Variants in SLC2A9 observed in about 807,000 individuals in gnomAD.
The protein encoded by SLC2A9 is solute carrier family 2 member 9, also known as solute carrier family 2, facilitated glucose transporter member 9.
SLC2A9 carries 39 observed loss-of-function variants against 50.6 expected under a neutral mutation model. The observed-to-expected ratio is 0.77, with a 90% confidence interval of 0.60 to 1.01. The LOEUF is 1.01. Ranked by LOEUF, SLC2A9 falls within the 50% of genes least tolerant of loss-of-function variation. SLC2A9 has a pLI of 0.00. For missense variants in SLC2A9, 686 were observed against 677.6 expected, an observed-to-expected ratio of 1.01 and a Z score of -0.14; for synonymous variants, 324 against 276.9, an observed-to-expected ratio of 1.17 and a Z score of -1.69.
intron 2 of SLC2A9, chr4:10,009,656 T>C (rs1390074014): frequency 1.3e-5 from 2 of 152,164 alleles, no homozygotes; most frequent in Non-Finnish European, 2.9e-5. Flanking sequence ...ACTGGAAAAG[T>C]GAGTAATTTC....
chr4:9,974,869 A>G (rs1027185957), intron 5 of SLC2A9, among the ~76,000 whole-genome samples: 2 of 152,256 alleles, frequency 1.3e-5, no homozygotes, highest in African/African-American at 4.8e-5. Context: ...GTAAACCTAC[A>G]GTAACCAAAA....
intron 2 of SLC2A9, among the ~76,000 whole-genome samples, chr4:9,998,362 G>A (rs1759118493): frequency 6.6e-6 from 1 of 152,218 alleles, no homozygotes; most frequent in African/African-American, 2.4e-5. Context: ...TAAATCAGCT[G>A]AACCTTGGTT....
intron 10 of SLC2A9, among the ~76,000 whole-genome samples, chr4:9,840,158 C>A (rs969157385): frequency 6.6e-6 from 1 of 152,166 alleles, no homozygotes; most frequent in Non-Finnish European, 1.5e-5. Context: ...GGTAACTCCA[C>A]AGCATGAGTT....
intron 3 of SLC2A9, among the ~76,000 whole-genome samples, chr4:9,820,093 T>C (rs1724198407): frequency 1.3e-5 from 2 of 152,280 alleles, no homozygotes; most frequent in African/African-American, 4.8e-5. Context: ...CTAAGTTTTT[T>C]TCTAAACTTT....
In SLC2A9 at chr4:10,004,006, G is replaced by A. The variant is rs2109357107; in HGVS notation, c.250-7065C>T. Among the ~76,000 whole-genome samples, 4 of 152,298 alleles carry A rather than the reference G, an allele frequency of 2.6e-5. No homozygotes were observed. In the South Asian group the frequency reaches 8.3e-4, roughly 32 times the overall value. Reference sequence around the variant, plus strand: ...CCTCCCAAGCTCACACCATTGGCATGCGATGTCACCAGGACTCAGCCCCAG... The same window carrying A: ...CCTCCCAAGCTCACACCATTGGCATACGATGTCACCAGGACTCAGCCCCAG... On this transcript the variant is annotated intron_variant, in intron 2 of 11. Transcript: ENST00000264784.
intron 6 of SLC2A9, among the ~76,000 whole-genome samples, chr4:9,929,043 C>G (rs1296971514): frequency 6.6e-6 from 1 of 152,222 alleles, no homozygotes; most frequent in Non-Finnish European, 1.5e-5. Context: ...AGCCTTGTCA[C>G]CTGCTTCTGT....
intron 5 of SLC2A9, among the ~76,000 whole-genome samples, chr4:9,949,686 G>A (rs995488895): frequency 1.3e-5 from 2 of 152,264 alleles, no homozygotes; most frequent in South Asian, 4.2e-4. Context: ...CCCTCATGGT[G>A]GCAGCTGCTA....
intron 1 of SLC2A9, among the ~76,000 whole-genome samples, chr4:10,039,696 A>ACATCAGCCTGCTGACTGGT (rs1261628507): frequency 2.0e-5 from 3 of 152,046 alleles, no homozygotes; most frequent in Non-Finnish European, 4.4e-5. Context: ...AGCAGGCTGG[A>ACATCAGCCTGCTGACTGGT]CATCAGCCTG....
chr4:9,933,406 A>T (rs1011077836), intron 6 of SLC2A9, among the ~76,000 whole-genome samples: 1 of 151,840 alleles, frequency 6.6e-6, no homozygotes, highest in African/African-American at 2.4e-5. Context: ...CTCCAGGGTG[A>T]CTCTGCCCAA....
intron 3 of SLC2A9, among the ~76,000 whole-genome samples, chr4:9,811,585 A>T (rs1577357247): frequency 6.6e-6 from 1 of 152,168 alleles, no homozygotes; most frequent in South Asian, 2.1e-4. Flanking sequence ...GCCATTTCAG[A>T]CCAATCACCT....
chr4:9,852,998 G>T (rs1014445508), intron 10 of SLC2A9, among the ~76,000 whole-genome samples: 3 of 152,116 alleles, frequency 2.0e-5, no homozygotes, highest in African/African-American at 2.4e-5. Context: ...CTAACATGGT[G>T]ATACCCCATT....
At chr4:9,984,724 C>T (rs1756426993) in intron 4 of SLC2A9, among the ~76,000 whole-genome samples, 1 of 152,212 alleles carries the variant, frequency 6.6e-6, no homozygotes, top group African/African-American at 2.4e-5. Flanking sequence ...GCATCTGTCC[C>T]CTTCTCTGCA....
At chr4:9,964,299 G>A (rs909497357) in intron 5 of SLC2A9, among the ~76,000 whole-genome samples, 13 of 152,118 alleles carry the variant, frequency 8.5e-5, no homozygotes, top group Non-Finnish European at 1.8e-4. Context: ...TGCCAGTTCT[G>A]CTGGTCCTGG....
chr4:9,778,402 G>A (rs1163793940), downstream of SLC2A9, among the ~76,000 whole-genome samples: 5 of 152,102 alleles, frequency 3.3e-5, no homozygotes, highest in Non-Finnish European at 2.9e-5. Context: ...TTACAGGTGT[G>A]GGCCACCGCA....
chr4:9,829,246 T>C (rs957046063), intron 11 of SLC2A9, among the ~76,000 whole-genome samples: 2 of 151,778 alleles, frequency 1.3e-5, no homozygotes, highest in Non-Finnish European at 2.9e-5. Flanking sequence ...TCTACTAAAA[T>C]TACAAAAATT....
intron 11 of SLC2A9, 31 bp downstream of exon 11, chr4:9,834,850 C>G: frequency 6.2e-7 from 1 of 1,613,994 alleles, no homozygotes; most frequent in Non-Finnish European, 8.5e-7. Flanking sequence ...AAAGGGAACC[C>G]CATGGGCAAA....
chr4:9,852,826 A>G (rs1023231784), intron 10 of SLC2A9, among the ~76,000 whole-genome samples: 4 of 152,230 alleles, frequency 2.6e-5, no homozygotes, highest in Admixed American at 6.5e-5. Flanking sequence ...CCAGTTAACA[A>G]TATGATGACA....
At chr4:9,966,522 G>C (rs193026304) in intron 5 of SLC2A9, among the ~76,000 whole-genome samples, 2,350 of 152,024 alleles carry the variant, frequency 0.015, 32 homozygotes, top group South Asian at 0.053. Context: ...CAGGTGTGGT[G>C]GTGGATGCCT....
chr4:9,956,516 T>A (rs28715627), intron 5 of SLC2A9, among the ~76,000 whole-genome samples: 73,318 of 151,720 alleles, frequency 0.48, 19,060 homozygotes, highest in African/African-American at 0.67. Context: ...AAAAAGTATC[T>A]TCGGCCATTC....
Sources: gnomAD v4.1 joint callset for allele counts (sites outside exome capture counted in the v4.1 genomes callset) on GRCh38, gnomAD v4.1.1 for gene constraint, MANE v1.5 for transcripts, NCBI Gene and HGNC (gene_info 2026-07-23, HGNC 2026-07-21) for gene names.